Variants in LASP1 observed in about 807,000 individuals in gnomAD.
LASP1 encodes LIM and SH3 domain protein 1.
LASP1 carries 10 observed loss-of-function variants against 38.6 expected under a neutral mutation model. The observed-to-expected ratio is 0.26, with a 90% CI of 0.16 to 0.44. The LOEUF (loss-of-function observed/expected upper bound fraction) is 0.44. LASP1 is among the 20% of genes least tolerant of loss of function. The probability of loss-of-function intolerance (pLI) is 1.00; values close to 1 mark genes in which losing one functional copy is unlikely to be tolerated. For missense variants in LASP1, 243 were observed against 375.7 expected, an observed-to-expected ratio of 0.65 and a Z score of 2.92; for synonymous variants, 132 against 140.8, an observed-to-expected ratio of 0.94 and a Z score of 0.44.
chr17:38,907,566 G>A (rs536294336), intron 4 of LASP1, among the ~76,000 whole-genome samples: 2 of 152,294 alleles, frequency 1.3e-5, no homozygotes, highest in East Asian at 3.9e-4. Flanking sequence ...ATGAAAGTGT[G>A]CGTGTCCGGC....
At chr17:38,885,297 T>C (rs1207349107) in intron 2 of LASP1, among the ~76,000 whole-genome samples, 2 of 152,298 alleles carry the variant, frequency 1.3e-5, no homozygotes, top group East Asian at 3.9e-4. Flanking sequence ...AATGCCAGCC[T>C]AAAGCTGTGT....
intron 2 of LASP1, among the ~76,000 whole-genome samples, chr17:38,889,907 C>T (rs1180117486): frequency 6.6e-6 from 1 of 152,182 alleles, no homozygotes; most frequent in African/African-American, 2.4e-5. Context: ...TGTGTTTTCT[C>T]TCTCACCACT....
At chr17:38,871,379 CTG>C (rs757444073) in intron 1 of LASP1, among the ~76,000 whole-genome samples, 26 of 151,958 alleles carry the variant, frequency 1.7e-4, no homozygotes, top group Non-Finnish European at 3.2e-4. Context: ...GGGGAGGCCT[CTG>C]TGATTTTGTG....
chr17:38,914,921 C>G (rs1374458444), intron 5 of LASP1, 122 bp from the exon 6 acceptor site: 17 of 849,340 alleles, frequency 2.0e-5, no homozygotes, highest in Non-Finnish European at 3.3e-5. Context: ...AGCCTTTGAG[C>G]TGTGGGGCTT....
intron 2 of LASP1, among the ~76,000 whole-genome samples, chr17:38,889,664 A>T (rs984113912): frequency 6.6e-6 from 1 of 152,218 alleles, no homozygotes; most frequent in African/African-American, 2.4e-5. Context: ...GGTATATAGG[A>T]AATGGTCCCA....
Position 38,879,218 on chromosome 17 carries a change from C to T in LASP1, c.164+1038C>T, listed in dbSNP as rs555757464. Among the ~76,000 whole-genome samples, 55 of 135,946 alleles carry T rather than the reference C, an allele frequency of 4.0e-4. No homozygotes were observed. In the East Asian group the frequency reaches 9.6e-3, roughly 24 times the overall value. The allele number at this position is 135,946 out of a possible 152,430, so 89.2% of individuals were successfully genotyped here. A position where few individuals can be genotyped will look rare whatever the true frequency, so the allele number is the denominator to read the frequency against. ...TCACCCAGGTTGGAGTGCAGTGGCGCGATCTTGGCTCACTGCAACCTCCGC... is the reference window on the plus strand; with the variant it reads ...TCACCCAGGTTGGAGTGCAGTGGCGTGATCTTGGCTCACTGCAACCTCCGC... On this transcript the variant is annotated intron_variant, in intron 2 of 6. Transcript: ENST00000318008.
At chr17:38,905,916 C>T (rs1914765285) in intron 4 of LASP1, among the ~76,000 whole-genome samples, 1 of 151,948 alleles carries the variant, frequency 6.6e-6, no homozygotes, top group Non-Finnish European at 1.5e-5. Flanking sequence ...GAAAATTAGC[C>T]GTGCATGGTG....
chr17:38,890,400 C>T lies in LASP1; in HGVS notation c.165-20C>T, dbSNP rs1050266431. Reference sequence around the variant, plus strand: ...CCCCTCCCCCAGAGTCACCCCCACTCTGTTTTTTCTGTCCTGCAGACACTA... The same window carrying T: ...CCCCTCCCCCAGAGTCACCCCCACTTTGTTTTTTCTGTCCTGCAGACACTA... On this transcript the variant is annotated intron_variant, in intron 2 of 6. Transcript: ENST00000318008. 1 of 1,612,414 alleles carries T rather than the reference C, an allele frequency of 6.2e-7. No homozygotes were observed. The highest frequency in any genetic ancestry group is 1.3e-5 in the African/African-American group (1 of 75,030).
At chr17:38,908,383 C>T (rs1183139597) in intron 4 of LASP1, among the ~76,000 whole-genome samples, 3 of 152,238 alleles carry the variant, frequency 2.0e-5, no homozygotes, top group African/African-American at 7.2e-5. Context: ...GTCCCCTTCC[C>T]TTGTGCCCTC....
intron 2 of LASP1, among the ~76,000 whole-genome samples, chr17:38,882,858 C>G (rs983473993): frequency 6.6e-6 from 1 of 152,080 alleles, no homozygotes; most frequent in African/African-American, 2.4e-5. Context: ...AATTGGGGGA[C>G]TTGGTTGCAC....
chr17:38,878,654 G>A (rs1167336963), intron 2 of LASP1, among the ~76,000 whole-genome samples: 1 of 151,976 alleles, frequency 6.6e-6, no homozygotes, highest in East Asian at 1.9e-4. Context: ...CTCTCACCTG[G>A]GTACTTCTAG....
intron 1 of LASP1, among the ~76,000 whole-genome samples, chr17:38,875,624 C>T (rs1050658366): frequency 6.6e-6 from 1 of 152,034 alleles, no homozygotes; most frequent in Non-Finnish European, 1.5e-5. Flanking sequence ...TAGGTTTTTC[C>T]TTTGGGTCTT....
chr17:38,891,531 G>T (rs1211666370), intron 3 of LASP1, among the ~76,000 whole-genome samples: 1 of 152,132 alleles, frequency 6.6e-6, no homozygotes, highest in Non-Finnish European at 1.5e-5. Flanking sequence ...GAGGCCCAGC[G>T]ACTTTGAGGG....
intron 3 of LASP1, 52 bp from the exon 4 acceptor site, chr17:38,898,354 AGCCGAG>A: frequency 7.5e-7 from 1 of 1,330,266 alleles, no homozygotes; most frequent in South Asian, 1.4e-5. Context: ...AGGGGCCCCA[AGCCGAG>A]GCCCTTTCGG....
chr17:38,899,773 C>T (rs1914589789), intron 4 of LASP1, among the ~76,000 whole-genome samples: 1 of 107,528 alleles, frequency 9.3e-6, no homozygotes. Flanking sequence ...GAGACAGAGT[C>T]TCACTCTGTT....
intron 1 of LASP1, among the ~76,000 whole-genome samples, chr17:38,876,000 A>T (rs1422606194): frequency 5.3e-5 from 8 of 151,862 alleles, no homozygotes; most frequent in Non-Finnish European, 1.2e-4. Flanking sequence ...GGTGGCCTGG[A>T]TTATTCTGGG....
At position 38,910,733 on chromosome 17, in the gene LASP1, C is replaced by CTTTTTTTTTTTTTTTTT. The variant is rs10526728; in HGVS notation, c.358-3584_358-3583insTTTTTTTTTTTTTTTTT. ...TCAGACACAGGTAGTCTGGAGTCCA[C>CTTTTTTTTTTTTTTTTT]TTTTTTTTAAACAGAGTCTCAGTCT... On this transcript the variant is annotated intron_variant, in intron 4 of 6. Coordinates refer to ENST00000318008, the MANE Select transcript of LASP1 (RefSeq NM_006148.4). Among the ~76,000 whole-genome samples, 79 of 135,452 alleles carry CTTTTTTTTTTTTTTTTT rather than the reference C, an allele frequency of 5.8e-4. 1 individual carries two copies. The highest frequency in any genetic ancestry group is 3.7e-3 in the South Asian group (16 of 4,340). The allele number at this position is 135,452 out of a possible 152,430, so 88.9% of individuals were successfully genotyped here. A position where few individuals can be genotyped will look rare whatever the true frequency, so the allele number is the denominator to read the frequency against.
chr17:38,898,367 T>G (rs1280035663), intron 3 of LASP1, 45 bp from the exon 4 acceptor site: 1 of 1,443,822 alleles, frequency 6.9e-7, no homozygotes, highest in African/African-American at 1.4e-5. Flanking sequence ...CGAGGCCCTT[T>G]CGGCTCCTGG....
chr17:38,900,790 G>C (rs1460701943), intron 4 of LASP1, among the ~76,000 whole-genome samples: 1 of 152,198 alleles, frequency 6.6e-6, no homozygotes, highest in Non-Finnish European at 1.5e-5. Context: ...CCTTTGGCTA[G>C]CAGGGGATGC....
Sources: gnomAD v4.1 joint callset for allele counts (sites outside exome capture counted in the v4.1 genomes callset) on GRCh38, gnomAD v4.1.1 for gene constraint, MANE v1.5 for transcripts, NCBI Gene and HGNC (gene_info 2026-07-23, HGNC 2026-07-21) for gene names.